The following AGO4 variants were observed in gnomAD, a reference collection of about 807,000 sequenced individuals.
AGO4 encodes the protein argonaute RISC component 4.
Under a neutral mutation model 104.7 loss-of-function variants are expected in AGO4, and 33 were observed. The ratio of observed to expected loss-of-function variants is 0.32; its 90% CI spans 0.24 to 0.42. The LOEUF (loss-of-function observed/expected upper bound fraction) is 0.42. Among genes scored for constraint, AGO4 ranks in the 10% least tolerant of loss-of-function variants. The pLI is 1.00. For synonymous variants in AGO4, 331 were observed against 364.7 expected (o/e 0.91, Z 1.05); for missense variants, 711 against 1,083.4 (o/e 0.66, Z 4.83).
intron 7 of AGO4, among the ~76,000 whole-genome samples, chr1:35,830,786 G>A (rs1438427827): frequency 1.3e-5 from 2 of 151,508 alleles, no homozygotes; most frequent in African/African-American, 4.9e-5. Context: ...GATCAGCCTG[G>A]CCAATGCGGT....
chr1:35,821,760 A>G (rs1309209727), intron 2 of AGO4, among the ~76,000 whole-genome samples: 4 of 152,226 alleles, frequency 2.6e-5, no homozygotes, highest in Non-Finnish European at 5.9e-5. Flanking sequence ...AAGACGGTAT[A>G]CAGAATAATA....
chr1:35,841,434 G>A lies in AGO4; in HGVS notation c.1994G>A (p.Arg665Gln), dbSNP rs1321354225. The A allele has an allele frequency of 4.3e-6, 7 of 1,613,958 alleles. No homozygotes were observed. Among genetic ancestry groups the A allele is most frequent in the East Asian group, 2.2e-5 (1 of 44,890 alleles). Residue 665 changes from arginine (R) to glutamine (Q), a missense_variant, in exon 14 of 18, where the codon CGG (arginine) becomes CAG (glutamine). Transcript: ENST00000373210. This position sits in a 1 kb window ranked among gnomAD's most constrained non-coding sequence, Gnocchi z 4.7. ...FYKSTRFKPTRIIYYRGGVSE... is the reference protein window; with the variant it reads ...FYKSTRFKPTQIIYYRGGVSE... ...AAATCCACACGCTTCAAACCCACTC[G>A]GATCATCTATTACCGTGGAGGGGTA...
chr1:35,842,319 C>T (rs1237697682), intron 15 of AGO4, among the ~76,000 whole-genome samples: 1 of 152,100 alleles, frequency 6.6e-6, no homozygotes, highest in African/African-American at 2.4e-5. Flanking sequence ...CTCCCCGCCG[C>T]TCCCCTACCC....
At chr1:35,853,248 CAAAAA>C (rs767922952) in intron 17 of AGO4, among the ~76,000 whole-genome samples, 1 of 64,950 alleles carries the variant, frequency 1.5e-5, no homozygotes, top group Non-Finnish European at 3.2e-5. Context: ...GACTCTGTCT[CAAAAA>C]AAAAAAAAAA....
chr1:35,850,780 CAA>C (rs796652586), intron 16 of AGO4, 72 bp from the exon 17 acceptor site: 10,636 of 529,140 alleles, frequency 0.02, no homozygotes, highest in Middle Eastern at 0.022. Flanking sequence ...GACTCCATCT[CAA>C]AAAAAAAAAA....
At chr1:35,843,112 T>G (rs1488651515) in intron 15 of AGO4, among the ~76,000 whole-genome samples, 1 of 152,172 alleles carries the variant, frequency 6.6e-6, no homozygotes, top group African/African-American at 2.4e-5. Flanking sequence ...TCACCCAGGC[T>G]GCAATGCAAC....
At position 35,855,255 on chromosome 1, in the gene AGO4, T is replaced by C. The variant is rs915555969; in HGVS notation, c.*1650T>C. ...GAGCTAGGGAAAGAGATAGACACAA[T>C]GGGGTGAAAACAATTTTGCCGCCCC... On this transcript the variant is annotated 3_prime_UTR_variant, in exon 18 of 18. Transcript: ENST00000373210. 38 of 152,622 alleles carry C rather than the reference T, an allele frequency of 2.5e-4. No individual in the cohort carries two copies. Among genetic ancestry groups the C allele is most frequent in the African/African-American group, 8.9e-4 (37 of 41,394 alleles). The allele number at this position is 152,622 out of a possible 1,614,324, so 9.5% of individuals were successfully genotyped here. A position where few individuals can be genotyped will look rare whatever the true frequency, so the allele number is the denominator to read the frequency against.
chr1:35,838,687 A>G (rs1332404835), intron 13 of AGO4, among the ~76,000 whole-genome samples: 1 of 152,168 alleles, frequency 6.6e-6, no homozygotes, highest in East Asian at 1.9e-4. Context: ...CTGGCTGGGC[A>G]TTGGGAGATT....
rs756591077 is a variant in AGO4, at chr1:35,822,849, C to A, written c.186-13C>A. 6.2e-7 allele frequency: 1 copy of A among 1,613,654 alleles called. No individual in the cohort carries two copies. On this transcript the variant is annotated splice_polypyrimidine_tract_variant and intron_variant, in intron 2 of 17. Transcript: ENST00000373210. ...TCTGAAAGCTAACTGCCATTATCTC[C>A]ATTACTGTGAAGGGAGGTAGTAGAT...
rs1644444721 is a variant in AGO4, at chr1:35,841,595, A to AATTCC, written c.2041-17_2041-13dup. 6.2e-7 allele frequency: 1 copy of AATTCC among 1,614,012 alleles called. No individual in the cohort carries two copies. The highest frequency in any genetic ancestry group is 8.5e-7 in the Non-Finnish European group (1 of 1,179,936). ...ACTAGGCAAATTCTCAATTAAACAT[A>AATTCC]ATTCCATTTCTGTCTTCTAGGTAGC... is the stretch of plus-strand genomic sequence containing the variant. On this transcript the variant is annotated intron_variant, in intron 14 of 17. Transcript: ENST00000373210. The surrounding 1 kb of genome is among the most constrained non-coding windows in gnomAD (Gnocchi z 4.7).
rs190550779 is a variant in AGO4 at position 35,811,159 on chromosome 1, A to C, written c.19+2724A>C. 1.2e-3 allele frequency among the ~76,000 whole-genome samples: 176 copies of C among 150,766 alleles called. 1 individual carries two copies. Among genetic ancestry groups the C allele is most frequent in the African/African-American group, 3.2e-3 (132 of 41,188 alleles). ...AAACAAAACAAAACAACAAAAAAAA[A>C]CCAACCAAACCACAACAAAAAAACA... is the stretch of plus-strand genomic sequence containing the variant. On this transcript the variant is annotated intron_variant, in intron 1 of 17. Coordinates refer to ENST00000373210, the MANE Select transcript of AGO4 (RefSeq NM_017629.4).
intron 1 of AGO4, 90 bp from the exon 2 acceptor site, chr1:35,816,792 C>G: frequency 7.5e-7 from 1 of 1,332,074 alleles, no homozygotes; most frequent in Non-Finnish European, 9.9e-7. Context: ...GAGCGAAACT[C>G]TGTCTCAAAA....
chr1:35,811,262 T>C (rs1379642152), intron 1 of AGO4, among the ~76,000 whole-genome samples: 1 of 150,102 alleles, frequency 6.7e-6, no homozygotes, highest in African/African-American at 2.5e-5. Context: ...TCACCTGAGG[T>C]TAGGAGTTCA....
chr1:35,839,604 G>C (rs914281382), intron 13 of AGO4, among the ~76,000 whole-genome samples: 1 of 152,074 alleles, frequency 6.6e-6, no homozygotes, highest in East Asian at 1.9e-4. Context: ...TGGCTGGTAC[G>C]TTGTATATGT....
rs750167672 is a variant in AGO4 at position 35,835,846 on chromosome 1, G to A, written c.1577G>A (p.Arg526His). The change falls in exon 13 of 18, where the codon CGT becomes CAT. Residue 526 changes from arginine to histidine, a missense_variant. Physicochemically the swap from Arg to His is conservative, Grantham distance 29 (BLOSUM62 0). Around this residue, in one of 3 missense-constraint regions of AGO4, gnomAD observed 401 missense variants for 665.5 expected, o/e 0.60. Coordinates refer to ENST00000373210, the MANE Select transcript of AGO4 (RefSeq NM_017629.4). ...GKTPVYAEVK[R>H]VGDTLLGMAT... is the part of the protein sequence containing the mutation. The stretch of plus-strand genomic sequence containing the variant: ...ATTATTTTTGTAGCGGAGGTGAAAC[G>A]TGTTGGAGATACCCTTCTAGGTATG... 3.1e-6 allele frequency: 5 copies of A among 1,606,432 alleles called. No homozygotes were observed. The highest frequency in any genetic ancestry group is 2.7e-5 in the African/African-American group (2 of 74,460).
In AGO4 at chr1:35,826,743, T is replaced by C. The variant is rs1397708918; in HGVS notation, c.761-5T>C. The stretch of plus-strand genomic sequence containing the variant: ...TGATGTTTTGCCTTTTAAAAAAAAT[T>C]TCAGGTCTCAAAGTTGAGGTGACCC... On this transcript the variant is annotated splice_polypyrimidine_tract_variant and splice_region_variant and intron_variant, in intron 6 of 17. Transcript: ENST00000373210. 6 of 1,613,614 alleles carry C rather than the reference T, an allele frequency of 3.7e-6. 1 individual carries two copies. The highest frequency in any genetic ancestry group is 1.6e-4 in the Middle Eastern group (1 of 6,084).
chr1:35,842,100 T>A (rs1221816554), intron 15 of AGO4, among the ~76,000 whole-genome samples: 1 of 152,140 alleles, frequency 6.6e-6, no homozygotes, highest in East Asian at 1.9e-4. Flanking sequence ...TGCACAGTTC[T>A]AGGGTATAAA....
intron 2 of AGO4, among the ~76,000 whole-genome samples, chr1:35,819,495 C>T (rs1309112499): frequency 2.0e-5 from 3 of 151,390 alleles, no homozygotes; most frequent in Non-Finnish European, 4.4e-5. Flanking sequence ...TTTGGGAGGC[C>T]GAGGTGGGTG....
Position 35,816,887 on chromosome 1 carries a change from C to A in AGO4, c.25C>A (p.Pro9Thr). Residue 9 changes from proline (P) to threonine (T), a missense_variant, in exon 2 of 18, where the codon CCG becomes ACG. Transcript: ENST00000373210. MEALGPGP[P>T]ASLFQPPRRP... ...ATGTCTTTCAATCTCTTTAGGACCTCCGGCTAGCCTGTTTCAGCCACCTCG... is the reference window on the plus strand; with the variant it reads ...ATGTCTTTCAATCTCTTTAGGACCTACGGCTAGCCTGTTTCAGCCACCTCG... 2 of 1,610,998 alleles carry A rather than the reference C, an allele frequency of 1.2e-6. No individual in the cohort carries two copies. The highest frequency in any genetic ancestry group is 2.2e-5 in the South Asian group (2 of 90,578).
Sources: gnomAD v4.1 joint callset for allele counts (sites outside exome capture counted in the v4.1 genomes callset) on GRCh38, gnomAD v4.1.1 for gene constraint, gnomAD v4.1.1 regional missense constraint, Gnocchi (gnomAD v3.1) non-coding constraint, MANE v1.5 for transcripts, NCBI Gene and HGNC (gene_info 2026-07-23, HGNC 2026-07-21) for gene names.